Variants in UMAD1 observed in about 807,000 individuals in gnomAD.
UMAD1 encodes UBAP1-MVB12-associated (UMA)-domain containing protein 1.
In UMAD1, 8 loss-of-function variants were observed where a neutral mutation model predicts 6.1. The observed-to-expected ratio is 1.30, with a 90% CI of 0.76 to 2.35. UMAD1 has a LOEUF of 2.35. UMAD1 is among the 30% of genes most tolerant of loss of function. The probability of loss-of-function intolerance (pLI) is 0.00; values close to 1 mark genes in which losing one functional copy is unlikely to be tolerated. For missense variants in UMAD1, 130 were observed against 78.4 expected (o/e 1.66, Z -2.49); for synonymous variants, 56 against 31.4 (o/e 1.78, Z -2.61).
At chr7:7,841,984 A>G (rs1783690009) in intron 3 of UMAD1, among the ~76,000 whole-genome samples, 1 of 152,238 alleles carries the variant, frequency 6.6e-6, no homozygotes. Context: ...GTATGAAACA[A>G]AAATAATGAT....
In UMAD1 at chr7:7,872,020, G is replaced by C. The variant is rs552337963; in HGVS notation, c.157-5261G>C. On this transcript the variant is annotated intron_variant, in intron 3 of 3. Transcript: ENST00000682710. ...AATCTCCCCTCCGCAGTTCCATGCA[G>C]ACCTCCGAAAGAGGAGGGGGCCTTC... is the stretch of plus-strand genomic sequence containing the variant. 9.2e-5 allele frequency among the ~76,000 whole-genome samples: 14 copies of C among 151,674 alleles called. No individual in the cohort carries two copies. In the South Asian group the frequency reaches 2.9e-3, roughly 32 times the overall value.
At chr7:7,703,154 C>T (rs144304860) in intron 2 of UMAD1, among the ~76,000 whole-genome samples, 79 of 152,140 alleles carry the variant, frequency 5.2e-4, no homozygotes, top group African/African-American at 1.8e-3. Context: ...TTTTATTTGC[C>T]GAAAATAATT....
At chr7:7,870,758 G>A (rs1330915845) in intron 3 of UMAD1, among the ~76,000 whole-genome samples, 1 of 152,156 alleles carries the variant, frequency 6.6e-6, no homozygotes, top group Non-Finnish European at 1.5e-5. Context: ...AACAGCAGCT[G>A]CATCATGGCA....
intron 2 of UMAD1, among the ~76,000 whole-genome samples, chr7:7,757,040 G>C (rs1452305597): frequency 6.6e-6 from 1 of 152,168 alleles, no homozygotes; most frequent in Non-Finnish European, 1.5e-5. Flanking sequence ...AAATGAATGG[G>C]ATTTTGCCTT....
chr7:7,840,646 A>G (rs971975908), intron 3 of UMAD1, among the ~76,000 whole-genome samples: 16 of 152,152 alleles, frequency 1.1e-4, no homozygotes, highest in African/African-American at 3.6e-4. Context: ...CACTCAATTA[A>G]TGGTAGCTCT....
chr7:7,655,454 C>G (rs1038234991), intron 1 of UMAD1, among the ~76,000 whole-genome samples: 2 of 152,192 alleles, frequency 1.3e-5, no homozygotes, highest in Non-Finnish European at 2.9e-5. Context: ...GAACCCTATA[C>G]AGTGAAGTTC....
At chr7:7,838,145 C>T (rs1383813881) in intron 3 of UMAD1, among the ~76,000 whole-genome samples, 2 of 151,100 alleles carry the variant, frequency 1.3e-5, no homozygotes, top group Admixed American at 6.6e-5. Flanking sequence ...CAGGGATCAG[C>T]AAACATTTTC....
intron 3 of UMAD1, among the ~76,000 whole-genome samples, chr7:7,827,147 ATGTGTGTGTGTGTG>A (rs60211625): frequency 1.2e-4 from 16 of 134,200 alleles, no homozygotes; most frequent in East Asian, 8.4e-4. Context: ...ATATATATAT[ATGTGTGTGTGTGTG>A]TGTGTGTGTG....
In UMAD1 at chr7:7,673,353, AGC is replaced by A. The variant is rs1779657220; in HGVS notation, c.-18_-17del. The A allele has an allele frequency of 7.8e-7, 1 of 1,285,048 alleles. No individual in the cohort carries two copies. The highest frequency in any genetic ancestry group is 1.1e-6 in the Non-Finnish European group (1 of 916,988). 79.6% of individuals were successfully genotyped at this position (1,285,048 alleles called of 1,614,324 possible). On this transcript the variant is annotated 5_prime_UTR_variant, in exon 2 of 4. Transcript: ENST00000682710. ...CAGCAGCAGCAGCAGCAGCAGCAGC[AGC>A]AGCAGCAGCAGCAGCAATGTTTCAC...
chr7:7,833,746 A>AT (rs1030580424), intron 3 of UMAD1, among the ~76,000 whole-genome samples: 7 of 152,200 alleles, frequency 4.6e-5, no homozygotes, highest in African/African-American at 1.4e-4. Context: ...TATGCTAAAT[A>AT]TACAAAACCA....
At chr7:7,767,048 A>C (rs1781999259) in intron 2 of UMAD1, among the ~76,000 whole-genome samples, 2 of 152,084 alleles carry the variant, frequency 1.3e-5, no homozygotes, top group African/African-American at 2.4e-5. Context: ...TCACCCAAAA[A>C]AAAGATGGCA....
At chr7:7,866,949 A>G (rs1350710366) in intron 3 of UMAD1, among the ~76,000 whole-genome samples, 1 of 152,158 alleles carries the variant, frequency 6.6e-6, no homozygotes, top group Non-Finnish European at 1.5e-5. Context: ...CTGAAGAGAA[A>G]TGGATGAATT....
intron 1 of UMAD1, among the ~76,000 whole-genome samples, chr7:7,662,661 C>A (rs1203421235): frequency 6.6e-6 from 1 of 152,276 alleles, no homozygotes; most frequent in East Asian, 1.9e-4. Flanking sequence ...TCTAACCAGT[C>A]CCAATGAGAT....
chr7:7,803,934 T>G (rs1463488255), intron 3 of UMAD1, among the ~76,000 whole-genome samples: 1 of 152,222 alleles, frequency 6.6e-6, no homozygotes. Flanking sequence ...AGAACTTGAC[T>G]ATTTTTCAAA....
At chr7:7,740,402 A>C (rs537122099) in intron 2 of UMAD1, among the ~76,000 whole-genome samples, 36 of 152,370 alleles carry the variant, frequency 2.4e-4, no homozygotes, top group African/African-American at 8.7e-4. Context: ...AAATCCTTAA[A>C]AAACAACTAA....
chr7:7,870,119 T>C (rs1784307452), intron 3 of UMAD1, among the ~76,000 whole-genome samples: 1 of 152,112 alleles, frequency 6.6e-6, no homozygotes, highest in Non-Finnish European at 1.5e-5. Context: ...TTTTAACAGG[T>C]TAACTGATGA....
Position 7,643,322 on chromosome 7 carries a change from C to A in UMAD1, c.-64+2501C>A, listed in dbSNP as rs574158378. ...GCCTCAGATGGGCGTGCATGTAACT[C>A]CCTAAAAACACTTCCCAAGGCTAAG... On this transcript the variant is annotated intron_variant, in intron 1 of 3. Coordinates refer to ENST00000682710, the MANE Select transcript of UMAD1 (RefSeq NM_001302348.2). Among the ~76,000 whole-genome samples, 4 of 152,308 alleles carry A rather than the reference C, an allele frequency of 2.6e-5. 1 individual carries two copies. The highest frequency in any genetic ancestry group is 9.6e-5 in the African/African-American group (4 of 41,558).
At chr7:7,797,845 C>T (rs1455371110) in intron 2 of UMAD1, among the ~76,000 whole-genome samples, 5 of 152,054 alleles carry the variant, frequency 3.3e-5, no homozygotes, top group Non-Finnish European at 7.4e-5. Flanking sequence ...CATGCCACCA[C>T]CCCCAGCTAA....
rs150931695 is a variant in UMAD1 at position 7,717,355 on chromosome 7, C to A, written c.82+43902C>A. On this transcript the variant is annotated intron_variant, in intron 2 of 3. Transcript: ENST00000682710. ...TACAGGCATAAGCCACCTCGCCCAG[C>A]CTCCTGTTTCTTTCATCTATTAAAA... Among the ~76,000 whole-genome samples the A allele has an allele frequency of 2.8e-4, 43 of 152,300 alleles. 1 individual carries two copies. The East Asian group carries it at 7.7e-3, about 27-fold the overall frequency.
Sources: allele counts gnomAD v4.1 joint callset (sites outside exome capture counted in the v4.1 genomes callset), GRCh38; gene constraint gnomAD v4.1.1; transcripts MANE v1.5; gene names NCBI Gene and HGNC (gene_info 2026-07-23, HGNC 2026-07-21).